HK1: variants seen among roughly 807,000 people sequenced by gnomAD.
HK1 encodes the protein hexokinase-1.
In HK1, 28 loss-of-function variants were observed where a neutral mutation model predicts 91.6. The ratio of observed to expected loss-of-function variants is 0.31; its 90% CI spans 0.23 to 0.42. The LOEUF is 0.42. Among genes scored for constraint, HK1 ranks in the 10% least tolerant of loss-of-function variants. HK1 has a pLI of 1.00. For missense variants in HK1, 770 were observed against 1,219.8 expected, an observed-to-expected ratio of 0.63 and a Z score of 5.49; for synonymous variants, 430 against 468.1, an observed-to-expected ratio of 0.92 and a Z score of 1.05.
At chr10:69,276,090 C>A (rs1452815590) in intron 1 of HK1, among the ~76,000 whole-genome samples, 46 of 15,932 alleles carry the variant, frequency 2.9e-3, no homozygotes, top group African/African-American at 8.7e-3. Flanking sequence ...AACTCCTTTT[C>A]AAAAAAAAAA....
In HK1 at chr10:69,393,516, C is replaced by T. The variant is rs1434129694; in HGVS notation, c.2219+1208C>T. ...TTCACCATGTTGGTCAGACTGGTCT[C>T]GAACTCCTGACCTCAGGTGATTGGC... On this transcript the variant is annotated intron_variant, in intron 15 of 17. Coordinates refer to ENST00000359426, the MANE Select transcript of HK1 (RefSeq NM_000188.3). Among the ~76,000 whole-genome samples the T allele has an allele frequency of 3.3e-5, 5 of 152,140 alleles. No individual in the cohort carries two copies. The East Asian group carries it at 5.8e-4, about 18-fold the overall frequency.
At chr10:69,274,634 C>T (rs1046062348) in intron 1 of HK1, among the ~76,000 whole-genome samples, 1 of 147,994 alleles carries the variant, frequency 6.8e-6, no homozygotes, top group African/African-American at 2.5e-5. Flanking sequence ...TCATGCCTGT[C>T]TTGTGTTTAT....
In HK1 at chr10:69,295,633, G is replaced by T. The variant is rs201626997; in HGVS notation, c.-114G>T. 2,022 of 1,606,244 alleles carry T rather than the reference G, an allele frequency of 1.3e-3. 37 individuals carry two copies. The South Asian group carries it at 0.02, about 16-fold the overall frequency. The stretch of plus-strand genomic sequence containing the variant: ...TTTACTTGTCCTGTCTTTCTCTAAG[G>T]CTACAGCAGCTGAAAAACCAAAACT... On this transcript the variant is annotated splice_region_variant and 5_prime_UTR_variant, in exon 4 of 22. Transcript: ENST00000360289.
At chr10:69,397,793 G>A (rs1443369049) in intron 16 of HK1, among the ~76,000 whole-genome samples, 2 of 152,076 alleles carry the variant, frequency 1.3e-5, no homozygotes, top group African/African-American at 4.8e-5. Flanking sequence ...AATATATCAG[G>A]AGAAAAGTCT....
At chr10:69,290,780 G>A (rs1419000038) in intron 3 of HK1, among the ~76,000 whole-genome samples, 2 of 152,128 alleles carry the variant, frequency 1.3e-5, no homozygotes, top group African/African-American at 2.4e-5. Flanking sequence ...GATTACAGGC[G>A]TGAACCTCTG....
intron 1 of HK1, among the ~76,000 whole-genome samples, chr10:69,277,854 G>A (rs1844545497): frequency 6.6e-6 from 1 of 152,084 alleles, no homozygotes; most frequent in African/African-American, 2.4e-5. Flanking sequence ...CCAACATGAC[G>A]AAACCCTGTC....
rs546581508 is a variant in HK1 at position 69,401,208 on chromosome 10, G to A, written c.*73G>A. On this transcript the variant is annotated 3_prime_UTR_variant, in exon 18 of 18. Coordinates refer to ENST00000359426, the MANE Select transcript of HK1 (RefSeq NM_000188.3). ...AGCGGCGACCCCCTACCCTCCCAGCGAGTTGCGCTGGGAGACGCTGGCGCC... is the reference window on the plus strand; with the variant it reads ...AGCGGCGACCCCCTACCCTCCCAGCAAGTTGCGCTGGGAGACGCTGGCGCC... 1.3e-4 allele frequency: 206 copies of A among 1,543,366 alleles called. No individual in the cohort carries two copies. In the East Asian group the frequency reaches 4.3e-3, roughly 32 times the overall value.
chr10:69,352,884 A>G (rs1319021432), intron 2 of HK1, among the ~76,000 whole-genome samples: 1 of 151,866 alleles, frequency 6.6e-6, no homozygotes, highest in Non-Finnish European at 1.5e-5. Context: ...CTATATTATT[A>G]TATCTCAATA....
At chr10:69,321,148 A>G (rs973394454) in intron 1 of HK1, among the ~76,000 whole-genome samples, 2 of 152,226 alleles carry the variant, frequency 1.3e-5, no homozygotes, top group African/African-American at 4.8e-5. Context: ...ATAGGGGAGT[A>G]CGTGGATTCC....
chr10:69,294,151 G>A (rs1023039601), intron 3 of HK1, among the ~76,000 whole-genome samples: 6 of 152,114 alleles, frequency 3.9e-5, no homozygotes, highest in African/African-American at 1.2e-4. Context: ...GTGAGCCACC[G>A]CGCCCGGCCC....
chr10:69,368,415 G>C (rs1417231124), intron 4 of HK1, 121 bp from the exon 5 acceptor site: 3 of 803,200 alleles, frequency 3.7e-6, no homozygotes, highest in Non-Finnish European at 6.4e-6. Flanking sequence ...AGTGTGATCT[G>C]GGAGGAGCCA....
intron 15 of HK1, among the ~76,000 whole-genome samples, chr10:69,394,314 G>A (rs1840040626): frequency 1.3e-5 from 2 of 152,264 alleles, no homozygotes. Flanking sequence ...TCACTCTGCT[G>A]TGGGCTTGAC....
chr10:69,315,233 A>G (rs1846575140), upstream of HK1, among the ~76,000 whole-genome samples: 1 of 152,236 alleles, frequency 6.6e-6, no homozygotes, highest in Admixed American at 6.5e-5. Flanking sequence ...ATTGCTATTC[A>G]GAGTGTGCTC....
At chr10:69,325,777 T>G (rs1038741645) in intron 1 of HK1, among the ~76,000 whole-genome samples, 1 of 151,310 alleles carries the variant, frequency 6.6e-6, no homozygotes, top group Non-Finnish European at 1.5e-5. Context: ...CCGCAAGTGA[T>G]CTGCCCGCCT....
At chr10:69,396,380 A>G (rs1840140381) in intron 16 of HK1, among the ~76,000 whole-genome samples, 1 of 152,170 alleles carries the variant, frequency 6.6e-6, no homozygotes, top group African/African-American at 2.4e-5. Context: ...GTTTTTAAGT[A>G]TACAGTTCGG....
chr10:69,352,321 G>A (rs540385052), intron 2 of HK1, among the ~76,000 whole-genome samples: 39 of 152,236 alleles, frequency 2.6e-4, no homozygotes, highest in African/African-American at 7.5e-4. Flanking sequence ...TAGTGGTGGT[G>A]TAAAGTACTG....
chr10:69,387,835 T>C (rs1321953350), intron 13 of HK1, among the ~76,000 whole-genome samples: 2 of 152,100 alleles, frequency 1.3e-5, no homozygotes, highest in Non-Finnish European at 2.9e-5. Flanking sequence ...TTAATTTAAC[T>C]CATTAATTAA....
intron 1 of HK1, among the ~76,000 whole-genome samples, chr10:69,335,002 C>G (rs887702102): frequency 6.6e-6 from 1 of 152,040 alleles, no homozygotes. Flanking sequence ...ACGGGGCTTG[C>G]GAGGAAGGAC....
intron 1 of HK1, among the ~76,000 whole-genome samples, chr10:69,280,267 A>T (rs1441569350): frequency 6.6e-6 from 1 of 152,036 alleles, no homozygotes; most frequent in Admixed American, 6.6e-5. Flanking sequence ...GCCTGCTACC[A>T]TGCCCAGCTA....
Sources: gnomAD v4.1 joint callset for allele counts (sites outside exome capture counted in the v4.1 genomes callset) on GRCh38, gnomAD v4.1.1 for gene constraint, MANE v1.5 for transcripts, NCBI Gene and HGNC (gene_info 2026-07-23, HGNC 2026-07-21) for gene names.